Variants in ZNF570 observed in about 807,000 individuals in gnomAD.
ZNF570 encodes zinc finger protein 570.
In ZNF570, 8 loss-of-function variants were observed where a neutral mutation model predicts 14.2. That is an observed-to-expected ratio of 0.56 (90% CI 0.33 to 1.02). The LOEUF (loss-of-function observed/expected upper bound fraction) is 1.02, where lower values mean the gene tolerates loss of function less well. Among genes scored for constraint, ZNF570 ranks in the 50% least tolerant of loss-of-function variants. The pLI, the probability that ZNF570 is intolerant of heterozygous loss-of-function variation, is 0.03. For missense variants in ZNF570, 559 were observed against 624.9 expected, an observed-to-expected ratio of 0.89 and a Z score of 1.12; for synonymous variants, 202 against 207.6, an observed-to-expected ratio of 0.97 and a Z score of 0.23.
chr19:37,483,011 C>G (rs1014424727), intron 4 of ZNF570, among the ~76,000 whole-genome samples: 1 of 152,118 alleles, frequency 6.6e-6, no homozygotes, highest in African/African-American at 2.4e-5. Flanking sequence ...TACCCAGTCT[C>G]AGGTAGTGTC....
intron 1 of ZNF570, 156 bp downstream of exon 1, chr19:37,469,713 G>A: frequency 1.3e-6 from 1 of 771,260 alleles, no homozygotes; most frequent in Non-Finnish European, 2.1e-6. Context: ...CGATACCCGC[G>A]GCTTCTTTGT....
At position 37,483,988 on chromosome 19, in the gene ZNF570, C is replaced by T. The variant is rs770999742; in HGVS notation, c.366C>T (p.Tyr122=). ...CACTTACAAGCTATAACCTTGAATA[C>T]TCCAGTTTGAGAGAAGAGTGGAAAT... ...IETLTSYNLE[Y]SSLREEWKCE... The change falls in exon 5 of 5, where the codon TAC becomes TAT. Residue 122 remains tyrosine, a synonymous_variant. Coordinates refer to ENST00000330173, the MANE Select transcript of ZNF570 (RefSeq NM_144694.5). 6.2e-6 allele frequency: 10 copies of T among 1,613,970 alleles called. No individual in the cohort carries two copies. Among genetic ancestry groups the T allele is most frequent in the Admixed American group, 1.7e-5 (1 of 60,006 alleles).
upstream of ZNF570, chr19:37,469,049 C>T: frequency 4.0e-6 from 4 of 994,058 alleles, no homozygotes; most frequent in Non-Finnish European, 4.8e-6. Context: ...GCGCAGAGCG[C>T]TTGTGCCTGC....
chr19:37,471,196 G>GT (rs2041958307), intron 2 of ZNF570, among the ~76,000 whole-genome samples: 2 of 151,030 alleles, frequency 1.3e-5, no homozygotes, highest in South Asian at 2.1e-4. Context: ...TGTATTTTTA[G>GT]TAGAGACGGG....
chr19:37,476,494 G>T lies in ZNF570; in HGVS notation c.256+60G>T, dbSNP rs999817332. On this transcript the variant is annotated intron_variant, in intron 4 of 4. Coordinates refer to ENST00000330173, the MANE Select transcript of ZNF570 (RefSeq NM_144694.5). ...CGTGACAGCTCAGCTTGACTCAAAG[G>T]TATCACCTCTTCACTCTTCAGGCTT... 6 of 1,552,960 alleles carry T rather than the reference G, an allele frequency of 3.9e-6. No homozygotes were observed. In the African/African-American group the frequency reaches 5.5e-5, roughly 14 times the overall value.
chr19:37,471,028 T>TTTTTTTTTTTTTTTTTTA (rs2041954332), intron 2 of ZNF570, among the ~76,000 whole-genome samples: 1 of 141,768 alleles, frequency 7.1e-6, no homozygotes. Flanking sequence ...TTTTTTTTTT[T>TTTTTTTTTTTTTTTTTTA]TGTTGAGACG....
chr19:37,479,651 A>G (rs1393619091), intron 4 of ZNF570, among the ~76,000 whole-genome samples: 1 of 152,050 alleles, frequency 6.6e-6, no homozygotes, highest in Non-Finnish European at 1.5e-5. Context: ...TTGTAACAGC[A>G]GTTTTTTTTA....
intron 4 of ZNF570, among the ~76,000 whole-genome samples, chr19:37,483,433 C>T (rs922842662): frequency 1.3e-5 from 2 of 152,150 alleles, no homozygotes; most frequent in Non-Finnish European, 2.9e-5. Context: ...TTATTTATCA[C>T]TTATTTTCTG....
At chr19:37,468,611 T>G (rs2041893038), upstream of ZNF570, among the ~76,000 whole-genome samples, 1 of 152,182 alleles carries the variant, frequency 6.6e-6, no homozygotes, top group Non-Finnish European at 1.5e-5. Context: ...GTTCAGGCAA[T>G]TTTTCTGCCT....
Position 37,484,065 on chromosome 19 carries a change from A to AAG in ZNF570, c.447_448dup (p.Ile150ArgfsTer2). 1.9e-6 allele frequency: 3 copies of AAG among 1,614,128 alleles called. No homozygotes were observed. Among genetic ancestry groups the AAG allele is most frequent in the Non-Finnish European group, 2.5e-6 (3 of 1,180,014 alleles). On this transcript the variant is annotated frameshift_variant, in exon 5 of 5. Coordinates refer to ENST00000330173, the MANE Select transcript of ZNF570 (RefSeq NM_144694.5). LOFTEE classifies it low-confidence loss of function (END_TRUNC). ...GGTAATCAGAAGGCGTGTTTCAAGG[A>AAG]AGAGATAATCACTCATGAAGAACCC...
intron 2 of ZNF570, among the ~76,000 whole-genome samples, chr19:37,471,657 G>C (rs191627382): frequency 4.5e-4 from 68 of 152,238 alleles, no homozygotes; most frequent in Non-Finnish European, 8.5e-4. Context: ...GGTTGCATAA[G>C]AGATATGTCA....
intron 2 of ZNF570, 105 bp downstream of exon 2, chr19:37,470,492 C>T (rs1047415967): frequency 2.9e-5 from 28 of 981,418 alleles, no homozygotes; most frequent in Non-Finnish European, 4.5e-5. Context: ...CAGTCATGTC[C>T]CTTATCAACA....
rs1307982403 is a variant in ZNF570 at position 37,484,873 on chromosome 19, G to A, written c.1251G>A (p.Gln417=). The change falls in exon 5 of 5, where the codon CAG becomes CAA. Residue 417 remains glutamine (Q), a synonymous_variant. Transcript: ENST00000330173. ...CTGGAGAAAAACCTTATAAGTGTCA[G>A]GAATGTAGGAAAGCATTCAGCCAGA... ...IHTGEKPYKC[Q]ECRKAFSQIA... The A allele has an allele frequency of 6.2e-7, 1 of 1,613,384 alleles. No individual in the cohort carries two copies. The highest frequency in any genetic ancestry group is 1.7e-5 in the Admixed American group (1 of 59,952).
Position 37,485,414 on chromosome 19 carries a change from TTTTTTC to T in ZNF570, c.*187_*192del, listed in dbSNP as rs2042144858. Reference sequence around the variant, plus strand: ...ACTCAAACGGATCTTTTTTTTCTTTTTTTTTCTTTTTGAGACAATGTCTTGCTGTGT... The same window carrying T: ...ACTCAAACGGATCTTTTTTTTCTTTTTTTTTGAGACAATGTCTTGCTGTGT... On this transcript the variant is annotated 3_prime_UTR_variant, in exon 5 of 5. Coordinates refer to ENST00000330173, the MANE Select transcript of ZNF570 (RefSeq NM_144694.5). 1 of 618,468 alleles carries T rather than the reference TTTTTTC, an allele frequency of 1.6e-6. No individual in the cohort carries two copies. The highest frequency in any genetic ancestry group is 2.5e-6 in the Non-Finnish European group (1 of 395,940). The allele number at this position is 618,468 out of a possible 1,614,324, so 38.3% of individuals were successfully genotyped here.
At chr19:37,474,625 A>G (rs997151334) in intron 2 of ZNF570, among the ~76,000 whole-genome samples, 9 of 151,804 alleles carry the variant, frequency 5.9e-5, no homozygotes, top group African/African-American at 1.9e-4. Context: ...ATGCCCAGCT[A>G]ATTTTTGTAT....
intron 4 of ZNF570, among the ~76,000 whole-genome samples, chr19:37,483,041 G>A (rs1487987152): frequency 6.6e-6 from 1 of 152,116 alleles, no homozygotes; most frequent in South Asian, 2.1e-4. Flanking sequence ...ACGTGAAAAT[G>A]TTCTAATACA....
intron 4 of ZNF570, among the ~76,000 whole-genome samples, chr19:37,477,967 C>G (rs2042046187): frequency 1.3e-5 from 2 of 152,114 alleles, no homozygotes; most frequent in South Asian, 4.1e-4. Context: ...CAGTACCACA[C>G]TGTCTTAATA....
Position 37,485,081 on chromosome 19 carries a change from C to A in ZNF570, c.1459C>A (p.Gln487Lys), listed in dbSNP as rs771384487. Residue 487 changes from glutamine to lysine, a missense_variant, in exon 5 of 5, where the codon CAA becomes AAA. By Grantham distance (53) the Gln-to-Lys change is moderately conservative. Transcript: ENST00000330173. Reference protein sequence around the residue: ...KAFSYCGSLAQHQRIHTGERP... With the variant: ...KAFSYCGSLAKHQRIHTGERP... ...TTTTAGTTACTGTGGATCCCTTGCC[C>A]AACATCAGAGAATTCATACTGGAGA... 5.6e-6 allele frequency: 9 copies of A among 1,612,488 alleles called. No homozygotes were observed. The highest frequency in any genetic ancestry group is 6.8e-6 in the Non-Finnish European group (8 of 1,179,660).
rs761788490 is a variant in ZNF570 at position 37,484,299 on chromosome 19, T to A, written c.677T>A (p.Val226Asp). The change falls in exon 5 of 5, where the codon GTC becomes GAC. Residue 226 changes from valine to aspartate, a missense_variant. By Grantham distance (152) the Val-to-Asp change is radical. Transcript: ENST00000330173. ...KLLKCNDCEKVFSQSSSLTLH... is the reference protein window; with the variant it reads ...KLLKCNDCEKDFSQSSSLTLH... Reference sequence around the variant, plus strand: ...TTGAAATGTAATGACTGTGAAAAAGTCTTCAGCCAGAGTTCATCCCTTACT... The same window carrying A: ...TTGAAATGTAATGACTGTGAAAAAGACTTCAGCCAGAGTTCATCCCTTACT... 7.4e-6 allele frequency: 12 copies of A among 1,613,588 alleles called. No individual in the cohort carries two copies. In the East Asian group the frequency reaches 2.7e-4, roughly 36 times the overall value.
Sources: gnomAD v4.1 joint callset for allele counts (sites outside exome capture counted in the v4.1 genomes callset) on GRCh38, gnomAD v4.1.1 for gene constraint, MANE v1.5 for transcripts, NCBI Gene and HGNC (gene_info 2026-07-23, HGNC 2026-07-21) for gene names.